The following XKR6 variants were observed in gnomAD, a reference collection of about 807,000 sequenced individuals.
XKR6 encodes the protein XK related 6, also known as XK-related protein 6.
Under a neutral mutation model 56.7 loss-of-function variants are expected in XKR6, and 22 were observed. That is an observed-to-expected ratio of 0.39 (90% CI 0.28 to 0.55). The LOEUF (loss-of-function observed/expected upper bound fraction) is 0.55. XKR6 is among the 20% of genes least tolerant of loss of function. The pLI is 0.66. For missense variants in XKR6, 852 were observed against 889.0 expected, an observed-to-expected ratio of 0.96 and a Z score of 0.53; for synonymous variants, 524 against 387.8, an observed-to-expected ratio of 1.35 and a Z score of -4.13.
intron 1 of XKR6, among the ~76,000 whole-genome samples, chr8:10,957,938 T>G (rs62490729): frequency 6.6e-6 from 1 of 150,800 alleles, no homozygotes; most frequent in African/African-American, 2.5e-5. Context: ...AAAAAAAACT[T>G]GGTGTACTAT....
chr8:11,084,657 T>C (rs1003193348), intron 1 of XKR6, among the ~76,000 whole-genome samples: 1 of 152,218 alleles, frequency 6.6e-6, no homozygotes, highest in Non-Finnish European at 1.5e-5. Flanking sequence ...CTGTTTGAGA[T>C]AAGTTACCAG....
rs376617083 is a variant in XKR6, at chr8:11,160,277, A to G, written c.764+40299T>C. ...GTTGTTTGCTGCTAAAAACATCACA[A>G]TTTATTTTTTTAAAAGGATATTATG... On this transcript the variant is annotated intron_variant, in intron 1 of 2. Coordinates refer to ENST00000416569, the MANE Select transcript of XKR6 (RefSeq NM_173683.4). Among the ~76,000 whole-genome samples, 286 of 152,272 alleles carry G rather than the reference A, an allele frequency of 1.9e-3. 11 individuals are homozygous for G. The South Asian group carries it at 0.055, about 29-fold the overall frequency.
chr8:11,117,808 C>T (rs1173934243), intron 1 of XKR6, among the ~76,000 whole-genome samples: 1 of 151,874 alleles, frequency 6.6e-6, no homozygotes, highest in Non-Finnish European at 1.5e-5. Context: ...CTTATAAATT[C>T]CCAAGAAAAA....
intron 1 of XKR6, among the ~76,000 whole-genome samples, chr8:11,095,314 A>G (rs1798233483): frequency 6.6e-6 from 1 of 152,266 alleles, no homozygotes; most frequent in Non-Finnish European, 1.5e-5. Context: ...TTTAAGAATT[A>G]TATGAATGTA....
At chr8:11,150,395 T>C (rs769447607) in intron 1 of XKR6, among the ~76,000 whole-genome samples, 8 of 152,252 alleles carry the variant, frequency 5.3e-5, no homozygotes, top group Non-Finnish European at 1.0e-4. Context: ...TGTTGTTTTA[T>C]GCTTTATGCA....
chr8:10,984,732 C>CTCTCTCTATATATATATATATATA, intron 1 of XKR6, among the ~76,000 whole-genome samples: 78 of 47,472 alleles, frequency 1.6e-3, no homozygotes, highest in South Asian at 2.6e-3. Context: ...CTCTCTCTCT[C>CTCTCTCTATATATATATATATATA]TATATATATA....
intron 1 of XKR6, among the ~76,000 whole-genome samples, chr8:11,179,678 T>G (rs10093053): frequency 2.6e-4 from 39 of 152,080 alleles, no homozygotes; most frequent in Admixed American, 5.2e-4. Context: ...CTTGGCCCAA[T>G]TGCTCGGTGT....
intron 1 of XKR6, among the ~76,000 whole-genome samples, chr8:11,024,903 C>T (rs1798826805): frequency 6.6e-6 from 1 of 152,256 alleles, no homozygotes; most frequent in Non-Finnish European, 1.5e-5. Flanking sequence ...GTTGAGACAG[C>T]ACCTGTGACT....
chr8:10,911,818 G>T (rs1015580468), intron 2 of XKR6, among the ~76,000 whole-genome samples: 4 of 150,646 alleles, frequency 2.7e-5, no homozygotes, highest in African/African-American at 9.8e-5. Flanking sequence ...ATATACAGAG[G>T]GTGAGTATGT....
intron 1 of XKR6, among the ~76,000 whole-genome samples, chr8:10,951,848 G>A (rs903657281): frequency 3.3e-5 from 5 of 152,168 alleles, no homozygotes; most frequent in Non-Finnish European, 7.3e-5. Context: ...GGACCAAGGA[G>A]GGGGCAGGGG....
chr8:11,014,452 C>A (rs944782285), intron 1 of XKR6, among the ~76,000 whole-genome samples: 1 of 152,190 alleles, frequency 6.6e-6, no homozygotes, highest in East Asian at 1.9e-4. Flanking sequence ...CCCAAGGACA[C>A]TAATTACACA....
chr8:10,933,721 T>A (rs1425610117), intron 1 of XKR6, among the ~76,000 whole-genome samples: 1 of 150,014 alleles, frequency 6.7e-6, no homozygotes, highest in African/African-American at 2.5e-5. Flanking sequence ...TAAGCGGCGT[T>A]ATTTCTGAGG....
chr8:11,183,318 C>T (rs1803096301), intron 1 of XKR6, among the ~76,000 whole-genome samples: 2 of 152,120 alleles, frequency 1.3e-5, no homozygotes, highest in South Asian at 4.1e-4. Flanking sequence ...ATTCCACATT[C>T]CTATCATCAT....
intron 1 of XKR6, among the ~76,000 whole-genome samples, chr8:11,173,873 T>C (rs1281346065): frequency 6.6e-6 from 1 of 152,068 alleles, no homozygotes; most frequent in Non-Finnish European, 1.5e-5. Context: ...CACAGATCAC[T>C]TGGACACCTA....
intron 1 of XKR6, among the ~76,000 whole-genome samples, chr8:11,174,149 A>G (rs537702742): frequency 6.6e-6 from 1 of 152,368 alleles, no homozygotes; most frequent in South Asian, 2.1e-4. Flanking sequence ...TAAGGCTCTG[A>G]CAAAACAAAA....
chr8:10,926,009 C>T (rs781174431), intron 1 of XKR6, among the ~76,000 whole-genome samples: 3 of 152,122 alleles, frequency 2.0e-5, no homozygotes, highest in African/African-American at 4.8e-5. Flanking sequence ...TGGGTGCCAG[C>T]GGCAGTGGGA....
chr8:11,118,575 G>T (rs933976472), intron 1 of XKR6, among the ~76,000 whole-genome samples: 3 of 152,186 alleles, frequency 2.0e-5, no homozygotes, highest in African/African-American at 7.2e-5. Context: ...ATTTCTTCTA[G>T]ACTTTCTAGT....
chr8:10,924,936 C>A, intron 1 of XKR6, 106 bp from the exon 2 acceptor site: 2 of 1,208,846 alleles, frequency 1.7e-6, no homozygotes, highest in Non-Finnish European at 2.3e-6. Flanking sequence ...CCCCCCAACT[C>A]CCTATGCTCT....
intron 1 of XKR6, among the ~76,000 whole-genome samples, chr8:11,157,556 C>A (rs1801582867): frequency 6.6e-6 from 1 of 152,090 alleles, no homozygotes; most frequent in African/African-American, 2.4e-5. Flanking sequence ...CTCTCTGTTG[C>A]CCAGGCTGGT....
Sources: gnomAD v4.1 joint callset for allele counts (sites outside exome capture counted in the v4.1 genomes callset) on GRCh38, gnomAD v4.1.1 for gene constraint, MANE v1.5 for transcripts, NCBI Gene and HGNC (gene_info 2026-07-23, HGNC 2026-07-21) for gene names.